CAMK2D: variants seen among roughly 807,000 people sequenced by gnomAD.
CAMK2D encodes the protein calcium/calmodulin-dependent protein kinase type II subunit delta.
CAMK2D carries 37 observed loss-of-function variants against 84.0 expected under a neutral mutation model. That is an observed-to-expected ratio of 0.44 (90% CI 0.34 to 0.58). The LOEUF is 0.58. CAMK2D is among the 20% of genes least tolerant of loss of function. The probability of loss-of-function intolerance (pLI) is 0.02; values close to 1 mark genes in which losing one functional copy is unlikely to be tolerated. For synonymous variants in CAMK2D, 202 were observed against 212.5 expected, an observed-to-expected ratio of 0.95 and a Z score of 0.43; for missense variants, 448 against 652.5, an observed-to-expected ratio of 0.69 and a Z score of 3.41.
At chr4:113,748,056 T>C (rs955472840) in intron 2 of CAMK2D, among the ~76,000 whole-genome samples, 5 of 152,112 alleles carry the variant, frequency 3.3e-5, no homozygotes, top group African/African-American at 1.2e-4. Flanking sequence ...AAAAACTGAT[T>C]CTTTTGGAAA....
intron 6 of CAMK2D, among the ~76,000 whole-genome samples, chr4:113,539,723 C>A (rs1225021868): frequency 6.6e-6 from 1 of 152,032 alleles, no homozygotes; most frequent in Admixed American, 6.6e-5. Context: ...TGTTCAGCTG[C>A]AGTTATGTAG....
chr4:113,625,410 G>T (rs2099063451), intron 3 of CAMK2D, among the ~76,000 whole-genome samples: 1 of 152,128 alleles, frequency 6.6e-6, no homozygotes, highest in South Asian at 2.1e-4. Context: ...GGGTAAGAGG[G>T]AAGTGAGTAC....
rs933558845 is a variant in CAMK2D at position 113,673,030 on chromosome 4, T to C, written c.161-11258A>G. 1.1e-3 allele frequency among the ~76,000 whole-genome samples: 163 copies of C among 152,322 alleles called. 4 individuals carry two copies. Among genetic ancestry groups the C allele is most frequent in the Non-Finnish European group, 2.9e-4 (20 of 68,038 alleles). ...GCCAAGGGTTCATTTGAAGCCATTC[T>C]GTCATCATGAGCCCACTGTTTGCTT... On this transcript the variant is annotated intron_variant, in intron 2 of 20. Transcript: ENST00000511664.
At chr4:113,573,540 A>G (rs1447231408) in intron 4 of CAMK2D, among the ~76,000 whole-genome samples, 1 of 152,248 alleles carries the variant, frequency 6.6e-6, no homozygotes, top group African/African-American at 2.4e-5. Flanking sequence ...GCAGGTGAAG[A>G]GGCAAGGAAA....
chr4:113,582,841 G>A (rs952595084), intron 4 of CAMK2D, among the ~76,000 whole-genome samples: 2 of 152,206 alleles, frequency 1.3e-5, no homozygotes, highest in African/African-American at 4.8e-5. Context: ...ACCACAGCTT[G>A]CCGATAAATG....
At chr4:113,609,571 C>G (rs1157250528) in intron 3 of CAMK2D, among the ~76,000 whole-genome samples, 1 of 152,128 alleles carries the variant, frequency 6.6e-6, no homozygotes, top group African/African-American at 2.4e-5. Flanking sequence ...CTCAAAGTTA[C>G]CAGGTTCTGG....
intron 5 of CAMK2D, among the ~76,000 whole-genome samples, chr4:113,548,922 T>C (rs2098603416): frequency 6.6e-6 from 1 of 152,214 alleles, no homozygotes; most frequent in Admixed American, 6.5e-5. Context: ...AAAAATGACA[T>C]CCAACATAGA....
At chr4:113,742,441 A>G (rs1437582821) in intron 2 of CAMK2D, among the ~76,000 whole-genome samples, 1 of 152,176 alleles carries the variant, frequency 6.6e-6, no homozygotes, top group Non-Finnish European at 1.5e-5. Context: ...TTTAAACATC[A>G]ATAATAATAG....
chr4:113,701,582 T>C (rs560827713), intron 2 of CAMK2D, among the ~76,000 whole-genome samples: 6 of 152,160 alleles, frequency 3.9e-5, no homozygotes, highest in Non-Finnish European at 8.8e-5. Context: ...TTAGCTAAAA[T>C]GATGGGACCT....
intron 3 of CAMK2D, among the ~76,000 whole-genome samples, chr4:113,618,140 C>T (rs1443151035): frequency 6.6e-6 from 1 of 152,106 alleles, no homozygotes; most frequent in East Asian, 1.9e-4. Context: ...ATAAACAATA[C>T]AGTAATTACC....
chr4:113,760,796 G>C (rs2099639607), intron 1 of CAMK2D, among the ~76,000 whole-genome samples: 2 of 152,080 alleles, frequency 1.3e-5, no homozygotes, highest in Non-Finnish European at 2.9e-5. Flanking sequence ...CCATCAAAAT[G>C]AGCCACAGTT....
At chr4:113,676,578 A>G (rs1005361611) in intron 2 of CAMK2D, among the ~76,000 whole-genome samples, 3 of 152,228 alleles carry the variant, frequency 2.0e-5, no homozygotes, top group African/African-American at 4.8e-5. Context: ...AGTTAAAAAT[A>G]TACCATTCTG....
intron 2 of CAMK2D, among the ~76,000 whole-genome samples, chr4:113,665,706 T>C (rs1035080819): frequency 4.6e-5 from 7 of 152,250 alleles, no homozygotes. Flanking sequence ...TATAATAGTT[T>C]GGCCTTATTA....
intron 2 of CAMK2D, among the ~76,000 whole-genome samples, chr4:113,701,097 C>T (rs2099416148): frequency 6.6e-6 from 1 of 151,936 alleles, no homozygotes; most frequent in South Asian, 2.1e-4. Context: ...CCCTATAATC[C>T]CATTTGTCTT....
At chr4:113,496,024 TG>T (rs1384321204) in intron 16 of CAMK2D, among the ~76,000 whole-genome samples, 2 of 152,054 alleles carry the variant, frequency 1.3e-5, no homozygotes, top group Non-Finnish European at 2.9e-5. Flanking sequence ...TGGTGCTGGA[TG>T]GGTTATGAGG....
At position 113,655,602 on chromosome 4, in the gene CAMK2D, T is replaced by C. The variant is rs965503618; in HGVS notation, c.220+6111A>G. Among the ~76,000 whole-genome samples, 10 of 152,232 alleles carry C rather than the reference T, an allele frequency of 6.6e-5. No homozygotes were observed. The South Asian group carries it at 1.0e-3, about 16-fold the overall frequency. ...TTTCAAAAAATTACCTTGCTCTTTC[T>C]AAAGTCTACACAAAATGTAAACACA... On this transcript the variant is annotated intron_variant, in intron 3 of 20. Transcript: ENST00000511664.
At chr4:113,497,639 C>A (rs1401353606) in intron 16 of CAMK2D, among the ~76,000 whole-genome samples, 2 of 152,180 alleles carry the variant, frequency 1.3e-5, no homozygotes, top group African/African-American at 4.8e-5. Flanking sequence ...AGTGTTTAAT[C>A]CCCTCCTCCA....
chr4:113,759,811 T>C (rs1018010002), intron 1 of CAMK2D, among the ~76,000 whole-genome samples: 3 of 152,194 alleles, frequency 2.0e-5, no homozygotes, highest in African/African-American at 7.2e-5. Flanking sequence ...AAAATTAATG[T>C]GGTTCCAAGT....
intron 4 of CAMK2D, among the ~76,000 whole-genome samples, chr4:113,602,325 A>G (rs1248357348): frequency 6.6e-6 from 1 of 152,242 alleles, no homozygotes. Flanking sequence ...AATGTCATTA[A>G]TGAAGGGTAA....
Sources: gnomAD v4.1 joint callset for allele counts (sites outside exome capture counted in the v4.1 genomes callset) on GRCh38, gnomAD v4.1.1 for gene constraint, MANE v1.5 for transcripts, NCBI Gene and HGNC (gene_info 2026-07-23, HGNC 2026-07-21) for gene names.